Variants in TRPM5 observed in about 807,000 individuals in gnomAD.
The protein encoded by TRPM5 is transient receptor potential cation channel subfamily M member 5, also known as MLSN1 and TRP-related.
TRPM5 carries 121 observed loss-of-function variants against 124.9 expected under a neutral mutation model. The ratio of observed to expected loss-of-function variants is 0.97; its 90% CI spans 0.84 to 1.13. The LOEUF (loss-of-function observed/expected upper bound fraction) is 1.13, where lower values mean the gene tolerates loss of function less well. Among genes scored for constraint, TRPM5 ranks in the 50% most tolerant of loss-of-function variants. TRPM5 has a pLI of 0.00. For missense variants in TRPM5, 1,643 were observed against 1,589.1 expected (o/e 1.03, Z -0.58); for synonymous variants, 781 against 700.5 (o/e 1.11, Z -1.81).
chr11:2,432,413 C>A, the TRPM5 span, among the ~76,000 whole-genome samples: 7 of 152,358 alleles, frequency 4.6e-5, no homozygotes, highest in Admixed American at 3.9e-4. Flanking sequence ...CCTGGGACAG[C>A]AGATCCCCTT....
At chr11:2,423,324 G>T (rs1329984124), upstream of TRPM5, among the ~76,000 whole-genome samples, 1 of 152,190 alleles carries the variant, frequency 6.6e-6, no homozygotes, top group Non-Finnish European at 1.5e-5. Context: ...CGCTGTCAGC[G>T]CCTGGTTCCT....
At chr11:2,413,476 C>A in exon 13 of TRPM5, 5 of 1,607,836 alleles carry the variant, frequency 3.1e-6, no homozygotes, top group Non-Finnish European at 4.2e-6. Context: ...CCTCACCCAC[C>A]TGAAGGTGAT....
At chr11:2,405,947 G>A in intron 22 of TRPM5, 72 bp downstream of exon 27, 1 of 1,366,170 alleles carries the variant, frequency 7.3e-7, no homozygotes, top group East Asian at 2.3e-5. Flanking sequence ...GGGCAGGGCT[G>A]TGGACCCATC....
the TRPM5 span, among the ~76,000 whole-genome samples, chr11:2,437,527 T>A: frequency 6.6e-6 from 1 of 152,124 alleles, no homozygotes; most frequent in Non-Finnish European, 1.5e-5. The surrounding 1 kb of genome is among the most constrained non-coding windows in gnomAD (Gnocchi z 5.6). Context: ...GGAGTGACCA[T>A]CTGACATAGC....
chr11:2,425,829 G>A (rs1006969744), upstream of TRPM5, among the ~76,000 whole-genome samples: 15 of 152,176 alleles, frequency 9.9e-5, no homozygotes, highest in African/African-American at 3.6e-4. Context: ...GGACGGGACT[G>A]GGCTGGACAA....
At chr11:2,422,995 A>G in exon 1 of TRPM5, 1 of 1,612,938 alleles carries the variant, frequency 6.2e-7, no homozygotes. Context: ...GGTCTTCAGC[A>G]TCCCCGGGGC....
At chr11:2,429,854 A>G in the TRPM5 span, among the ~76,000 whole-genome samples, 13 of 152,076 alleles carry the variant, frequency 8.5e-5, no homozygotes, top group Non-Finnish European at 2.9e-5. This position sits in a 1 kb window ranked among gnomAD's most constrained non-coding sequence, Gnocchi z 8.4. Flanking sequence ...TAATCGGATC[A>G]TGGGGGTGGT....
chr11:2,417,442 G>A (rs1054563313), intron 7 of TRPM5, among the ~76,000 whole-genome samples: 1 of 152,190 alleles, frequency 6.6e-6, no homozygotes. Context: ...GCGACAGTGC[G>A]AGACTCCGTC....
At position 2,414,002 on chromosome 11, in the gene TRPM5, C is replaced by T. The variant is rs1850511127; in HGVS notation, c.1890+59G>A. Reference sequence around the variant, plus strand: ...GCTGGGAAGTCAACTCAAGCTGGGCCCAGCTCGCCCGCCCACCCCACCCCC... The same window carrying T: ...GCTGGGAAGTCAACTCAAGCTGGGCTCAGCTCGCCCGCCCACCCCACCCCC... On this transcript the variant is annotated intron_variant, in intron 12 of 23. Transcript: ENST00000155858. 2.3e-6 allele frequency: 3 copies of T among 1,309,526 alleles called. No individual in the cohort carries two copies. The East Asian group carries it at 7.7e-5, about 34-fold the overall frequency. The allele number at this position is 1,309,526 out of a possible 1,614,324, so 81.1% of individuals were successfully genotyped here.
the TRPM5 span, among the ~76,000 whole-genome samples, chr11:2,438,138 C>A: frequency 6.6e-6 from 1 of 152,164 alleles, no homozygotes; most frequent in Non-Finnish European, 1.5e-5. This position sits in a 1 kb window ranked among gnomAD's most constrained non-coding sequence, Gnocchi z 5.9. Flanking sequence ...CCAAACATCC[C>A]TTCATGATAA....
chr11:2,411,374 C>G, exon 18 of TRPM5: 13 of 1,606,924 alleles, frequency 8.1e-6, no homozygotes, highest in Non-Finnish European at 1.1e-5. Flanking sequence ...CCAGTGGGAT[C>G]TGGCCGAAGA....
chr11:2,423,974 G>A (rs1845810547), upstream of TRPM5, among the ~76,000 whole-genome samples: 1 of 152,186 alleles, frequency 6.6e-6, no homozygotes, highest in Non-Finnish European at 1.5e-5. Context: ...TTGAGGACAA[G>A]CCCTGGCAGG....
At chr11:2,442,073 C>T in the TRPM5 span, among the ~76,000 whole-genome samples, 1 of 152,174 alleles carries the variant, frequency 6.6e-6, no homozygotes, top group Non-Finnish European at 1.5e-5. This position sits in a 1 kb window ranked among gnomAD's most constrained non-coding sequence, Gnocchi z 5.9. Flanking sequence ...AAGCAACCTG[C>T]AGAAGATCAA....
intron 11 of TRPM5, 24 bp downstream of exon 16, chr11:2,414,691 C>T (rs1451252088): frequency 2.8e-5 from 42 of 1,522,946 alleles, no homozygotes; most frequent in Admixed American, 1.4e-4. Flanking sequence ...CGCGCGGGCC[C>T]GGCCCCAGCC....
In TRPM5 at chr11:2,411,055, C is replaced by T. The variant is rs1442284798; in HGVS notation, c.2782+297G>A. ...GAGCAAGACTTGCTGCTTGGCCTCC[C>T]CAAGCAGGAGGCAGCCCTGGCTGCC... On this transcript the variant is annotated intron_variant, in intron 18 of 23. Transcript: ENST00000155858. Among the ~76,000 whole-genome samples the T allele has an allele frequency of 2.0e-5, 3 of 152,264 alleles. No homozygotes were observed. The East Asian group carries it at 5.8e-4, about 30-fold the overall frequency.
chr11:2,439,981 T>C, the TRPM5 span, among the ~76,000 whole-genome samples: 2 of 152,204 alleles, frequency 1.3e-5, no homozygotes, highest in Non-Finnish European at 2.9e-5. Context: ...ATACACACCA[T>C]GGAATACTAT....
intron 18 of TRPM5, among the ~76,000 whole-genome samples, chr11:2,411,112 A>G (rs1850435610): frequency 6.6e-6 from 1 of 151,976 alleles, no homozygotes; most frequent in Non-Finnish European, 1.5e-5. Context: ...TTCCCAGCCC[A>G]AGGCCCCAGG....
intron 21 of TRPM5, 157 bp from the exon 27 acceptor site, chr11:2,406,248 C>T (rs1850321353): frequency 2.6e-6 from 2 of 760,710 alleles, no homozygotes; most frequent in South Asian, 3.3e-5. Context: ...GCACCAGGAC[C>T]CCTCAAAGTG....
At chr11:2,404,849 T>G (rs1589863363) in exon 24 of TRPM5, 3 of 1,132,324 alleles carry the variant, frequency 2.6e-6, no homozygotes, top group East Asian at 2.4e-5. Flanking sequence ...CCCTGGGGGG[T>G]TCCGCTGGAG....
Sources: gnomAD v4.1 joint callset for allele counts (sites outside exome capture counted in the v4.1 genomes callset) on GRCh38, gnomAD v4.1.1 for gene constraint, Gnocchi (gnomAD v3.1) non-coding constraint, MANE v1.5 for transcripts, NCBI Gene and HGNC (gene_info 2026-07-23, HGNC 2026-07-21) for gene names.